Variants in NPR1 observed in about 807,000 individuals in gnomAD.
The protein encoded by NPR1 is atrial natriuretic peptide receptor 1.
Under a neutral mutation model 116.9 loss-of-function variants are expected in NPR1, and 57 were observed. The ratio of observed to expected loss-of-function variants is 0.49; its 90% CI spans 0.39 to 0.61. The LOEUF (loss-of-function observed/expected upper bound fraction) is 0.61. NPR1 is among the 20% of genes least tolerant of loss of function. NPR1 has a pLI of 0.00. For synonymous variants in NPR1, 555 were observed against 601.6 expected, an observed-to-expected ratio of 0.92 and a Z score of 1.13; for missense variants, 1,096 against 1,409.8, an observed-to-expected ratio of 0.78 and a Z score of 3.56.
rs1299135457 is a variant in NPR1 at position 153,679,084 on chromosome 1, G to A, written c.-25G>A. ...CGAGGAGGCCATGGTAGGAGCGCTC[G>A]CCTGCTGCGGTGCCCGCTGAGGCCA... On this transcript the variant is annotated 5_prime_UTR_variant, in exon 1 of 22. Transcript: ENST00000368680. This position sits in a 1 kb window ranked among gnomAD's most constrained non-coding sequence, Gnocchi z 4.2. The A allele has an allele frequency of 1.5e-5, 21 of 1,402,538 alleles. No individual in the cohort carries two copies. The highest frequency in any genetic ancestry group is 1.9e-5 in the Non-Finnish European group (21 of 1,090,306). The allele number at this position is 1,402,538 out of a possible 1,614,324, so 86.9% of individuals were successfully genotyped here.
At chr1:153,690,053 G>T in intron 19 of NPR1, 73 bp downstream of exon 19, 1 of 1,268,916 alleles carries the variant, frequency 7.9e-7, no homozygotes. Flanking sequence ...CCCTGGCCCA[G>T]CCCCTCGCCC....
rs752516295 is a variant in NPR1, at chr1:153,687,825, G to C, written c.2248+36G>C. On this transcript the variant is annotated intron_variant, in intron 14 of 21. Coordinates refer to ENST00000368680, the MANE Select transcript of NPR1 (RefSeq NM_000906.4). ...CACACCTTCCTTAAACCCAGCCACAGTCTCAACGAACCCCAGCCCCAGGGA... is the reference window on the plus strand; with the variant it reads ...CACACCTTCCTTAAACCCAGCCACACTCTCAACGAACCCCAGCCCCAGGGA... 4 of 1,545,926 alleles carry C rather than the reference G, an allele frequency of 2.6e-6. No individual in the cohort carries two copies. The African/African-American group carries it at 5.5e-5, about 21-fold the overall frequency.
At chr1:153,683,305 T>G in intron 5 of NPR1, 71 bp from the exon 6 acceptor site, 5 of 1,532,188 alleles carry the variant, frequency 3.3e-6, no homozygotes, top group Middle Eastern at 1.9e-4. Context: ...AGGTGGGAGG[T>G]GAGACTGCTG....
chr1:153,679,846 C>T lies in NPR1; in HGVS notation c.721+17C>T, dbSNP rs61757346. 2.3e-5 allele frequency: 35 copies of T among 1,534,028 alleles called. No homozygotes were observed. The highest frequency in any genetic ancestry group is 1.0e-4 in the Admixed American group (5 of 49,560). ...AAGGCCGAGGTGAGACGCTGGCACACCCCGTCCCGCCGCTTAGCCGCAGGG... is the reference window on the plus strand; with the variant it reads ...AAGGCCGAGGTGAGACGCTGGCACATCCCGTCCCGCCGCTTAGCCGCAGGG... On this transcript the variant is annotated intron_variant, in intron 1 of 21. Transcript: ENST00000368680. This position sits in a 1 kb window ranked among gnomAD's most constrained non-coding sequence, Gnocchi z 4.2.
Position 153,682,598 on chromosome 1 carries a change from G to A in NPR1, c.1263+9G>A. 1 of 1,607,150 alleles carries A rather than the reference G, an allele frequency of 6.2e-7. No homozygotes were observed. On this transcript the variant is annotated intron_variant, in intron 5 of 21. Coordinates refer to ENST00000368680, the MANE Select transcript of NPR1 (RefSeq NM_000906.4). ...AGAATGGTGCCTTCAGGGTAAGTTT[G>A]TGCACCCAGAAGACAGTGCCAATTC...
chr1:153,679,815 C>A lies in NPR1; in HGVS notation c.707C>A (p.Pro236Gln). ...TACACCAGGCTGCTGCGGACCATGC[C>A]GCGCAAAGGCCGAGGTGAGACGCTG... ...SHYTRLLRTM[P>Q]RKGRVIYICS... The change falls in exon 1 of 22, where the codon CCG (proline) becomes CAG (glutamine). Residue 236 changes from proline to glutamine, a missense_variant. Transcript: ENST00000368680. The surrounding 1 kb of genome is among the most constrained non-coding windows in gnomAD (Gnocchi z 4.2). The A allele has an allele frequency of 6.5e-7, 1 of 1,541,842 alleles. No individual in the cohort carries two copies. Among genetic ancestry groups the A allele is most frequent in the Non-Finnish European group, 8.7e-7 (1 of 1,148,204 alleles).
Position 153,683,769 on chromosome 1 carries a change from T to G in NPR1, c.1429T>G (p.Leu477Val). The change falls in exon 7 of 22, where the codon TTG becomes GTG. Residue 477 changes from leucine to valine, a missense_variant. Transcript: ENST00000368680. ...CCTTTCCACCCTGGAGGTGCTGGCTTTGGTGGGCAGCCTCTCCTTGCTCGG... is the reference window on the plus strand; with the variant it reads ...CCTTTCCACCCTGGAGGTGCTGGCTGTGGTGGGCAGCCTCTCCTTGCTCGG... ...DHLSTLEVLA[L>V]VGSLSLLGIL... 2 of 1,614,098 alleles carry G rather than the reference T, an allele frequency of 1.2e-6. No individual in the cohort carries two copies. The highest frequency in any genetic ancestry group is 2.2e-5 in the East Asian group (1 of 44,884).
At chr1:153,688,472 A>G (rs1018640217) in intron 15 of NPR1, among the ~76,000 whole-genome samples, 1 of 151,096 alleles carries the variant, frequency 6.6e-6, no homozygotes, top group African/African-American at 2.4e-5. Flanking sequence ...CTTCCTGCCC[A>G]CTCGCCTTGC....
chr1:153,689,780 C>G lies in NPR1; in HGVS notation c.2758-26C>G. The G allele has an allele frequency of 1.3e-6, 2 of 1,509,254 alleles. No individual in the cohort carries two copies. Among genetic ancestry groups the G allele is most frequent in the Non-Finnish European group, 1.8e-6 (2 of 1,121,234 alleles). The allele number at this position is 1,509,254 out of a possible 1,614,324, so 93.5% of individuals were successfully genotyped here. A position where few individuals can be genotyped will look rare whatever the true frequency, so the allele number is the denominator to read the frequency against. On this transcript the variant is annotated intron_variant, in intron 18 of 21. Transcript: ENST00000368680. The surrounding 1 kb of genome is among the most constrained non-coding windows in gnomAD (Gnocchi z 5.1). The stretch of plus-strand genomic sequence containing the variant: ...GGCCGCACAGTTGCAGCCGTCAAGT[C>G]CTGCACCCCCTCGCCACTCCCACAG...
chr1:153,682,949 G>A (rs1669822649), intron 5 of NPR1, among the ~76,000 whole-genome samples: 1 of 152,236 alleles, frequency 6.6e-6, no homozygotes, highest in African/African-American at 2.4e-5. Flanking sequence ...GAGGCCAATG[G>A]CCACAAGGGA....
chr1:153,693,019 C>A, intron 20 of NPR1, 87 bp from the exon 21 acceptor site: 1 of 1,076,770 alleles, frequency 9.3e-7, no homozygotes, highest in Non-Finnish European at 1.4e-6. Flanking sequence ...ACCTGTCCAC[C>A]CCCACAGTCC....
At chr1:153,680,171 C>G (rs748202432) in intron 1 of NPR1, among the ~76,000 whole-genome samples, 11 of 150,462 alleles carry the variant, frequency 7.3e-5, no homozygotes, top group Non-Finnish European at 1.3e-4. Context: ...GCGCCTCATC[C>G]CCTCTCTTCT....
In NPR1 at chr1:153,686,132, G is replaced by A. The variant is rs1415713796; in HGVS notation, c.1690G>A (p.Val564Met). The A allele has an allele frequency of 3.7e-6, 6 of 1,613,924 alleles. No individual in the cohort carries two copies. Among genetic ancestry groups the A allele is most frequent in the African/African-American group, 2.7e-5 (2 of 74,918 alleles). ...AKTAYYKGNLVAVKRVNRKRI... is the reference protein window; with the variant it reads ...AKTAYYKGNLMAVKRVNRKRI... ...TCCATTCCATGCCCAGGGCAACCTC[G>A]TGGCTGTGAAACGTGTGAACCGTAA... The change falls in exon 10 of 22, where the codon GTG (valine) becomes ATG (methionine). Residue 564 changes from valine (V) to methionine (M), a missense_variant. By Grantham distance (21) the Val-to-Met change is conservative. Transcript: ENST00000368680.
Position 153,685,792 on chromosome 1 carries a change from C to T in NPR1, c.1606-14C>T, listed in dbSNP as rs1353617069. 1 of 1,612,008 alleles carries T rather than the reference C, an allele frequency of 6.2e-7. No individual in the cohort carries two copies. Among genetic ancestry groups the T allele is most frequent in the Non-Finnish European group, 8.5e-7 (1 of 1,178,138 alleles). On this transcript the variant is annotated splice_polypyrimidine_tract_variant and intron_variant, in intron 8 of 21. Coordinates refer to ENST00000368680, the MANE Select transcript of NPR1 (RefSeq NM_000906.4). ...CCACCGGCTGACCATTCCTCCTGCTCTCCCTCCTTTCAGAGAGGCTCCAAT... is the reference window on the plus strand; with the variant it reads ...CCACCGGCTGACCATTCCTCCTGCTTTCCCTCCTTTCAGAGAGGCTCCAAT...
At position 153,681,838 on chromosome 1, in the gene NPR1, A is replaced by T; in HGVS notation, c.1170A>T (p.Gln390His). 6.2e-7 allele frequency: 1 copy of T among 1,613,738 alleles called. No individual in the cohort carries two copies. Among genetic ancestry groups the T allele is most frequent in the African/African-American group, 1.3e-5 (1 of 75,056 alleles). The change falls in exon 4 of 22, where the codon CAA (glutamine) becomes CAT (histidine). Residue 390 changes from glutamine to histidine, a missense_variant and splice_region_variant. Coordinates refer to ENST00000368680, the MANE Select transcript of NPR1 (RefSeq NM_000906.4). ...AGCGGATGTGGAACCGAAGCTTTCA[A>T]GGTCAGGGCCTGGAGGTGGCTGGAA... ...ITQRMWNRSF[Q>H]GVTGYLKIDS...
rs1407382091 is a variant in NPR1 at position 153,689,793 on chromosome 1, G to A, written c.2758-13G>A. The A allele has an allele frequency of 6.5e-6, 10 of 1,528,188 alleles. No individual in the cohort carries two copies. The East Asian group carries it at 9.4e-5, about 14-fold the overall frequency. The allele number at this position is 1,528,188 out of a possible 1,614,324, so 94.7% of individuals were successfully genotyped here. A position where few individuals can be genotyped will look rare whatever the true frequency, so the allele number is the denominator to read the frequency against. On this transcript the variant is annotated splice_polypyrimidine_tract_variant and intron_variant, in intron 18 of 21. Transcript: ENST00000368680. The surrounding 1 kb of genome is among the most constrained non-coding windows in gnomAD (Gnocchi z 5.1). ...CAGCCGTCAAGTCCTGCACCCCCTC[G>A]CCACTCCCACAGGTGGAGACAATTG...
At position 153,683,720 on chromosome 1, in the gene NPR1, A is replaced by T. The variant is rs763906594; in HGVS notation, c.1400-20A>T. 8 of 1,612,582 alleles carry T rather than the reference A, an allele frequency of 5.0e-6. No homozygotes were observed. Among genetic ancestry groups the T allele is most frequent in the Non-Finnish European group, 1.7e-6 (2 of 1,178,732 alleles). On this transcript the variant is annotated intron_variant, in intron 6 of 21. Coordinates refer to ENST00000368680, the MANE Select transcript of NPR1 (RefSeq NM_000906.4). ...TCTAACCCAAATCTCTCTTGCTGCA[A>T]TATGGACTCTCTCCTGCAGATCACC...
In NPR1 at chr1:153,679,612, C is replaced by T. The variant is rs779619977; in HGVS notation, c.504C>T (p.Phe168=). Residue 168 remains phenylalanine, a synonymous_variant, in exon 1 of 22, where the codon TTC becomes TTT. Coordinates refer to ENST00000368680, the MANE Select transcript of NPR1 (RefSeq NM_000906.4). The surrounding 1 kb of genome is among the most constrained non-coding windows in gnomAD (Gnocchi z 4.2). ...AGPSYAKLGD[F]VAALHRRLGW... ...CCAGCTACGCCAAGCTGGGGGACTTCGTGGCGGCGCTGCACCGACGGCTGG... is the reference window on the plus strand; with the variant it reads ...CCAGCTACGCCAAGCTGGGGGACTTTGTGGCGGCGCTGCACCGACGGCTGG... 9 of 1,585,224 alleles carry T rather than the reference C, an allele frequency of 5.7e-6. No homozygotes were observed. In the Admixed American group the frequency reaches 8.9e-5, roughly 16 times the overall value.
chr1:153,680,174 T>C (rs1295188665), intron 1 of NPR1, among the ~76,000 whole-genome samples: 1 of 140,938 alleles, frequency 7.1e-6, no homozygotes, highest in Non-Finnish European at 1.5e-5. Flanking sequence ...CCTCATCCCC[T>C]CTCTTCTCCC....
Sources: allele counts gnomAD v4.1 joint callset (sites outside exome capture counted in the v4.1 genomes callset), GRCh38; gene constraint gnomAD v4.1.1; non-coding constraint Gnocchi (gnomAD v3.1); transcripts MANE v1.5; gene names NCBI Gene and HGNC (gene_info 2026-07-23, HGNC 2026-07-21).